SEC31B: variants seen among roughly 807,000 people sequenced by gnomAD.
SEC31B encodes SEC31 homolog B, COPII component, also known as protein transport protein Sec31B.
A neutral mutation model predicts 135.0 loss-of-function variants in SEC31B; 113 were observed. The ratio of observed to expected loss-of-function variants is 0.84; its 90% CI spans 0.72 to 0.98. The LOEUF (loss-of-function observed/expected upper bound fraction) is 0.98, where lower values mean the gene tolerates loss of function less well. Among genes scored for constraint, SEC31B ranks in the 50% least tolerant of loss-of-function variants. SEC31B has a pLI of 0.00. For synonymous variants in SEC31B, 508 were observed against 549.4 expected, an observed-to-expected ratio of 0.92 and a Z score of 1.05; for missense variants, 1,296 against 1,421.1, an observed-to-expected ratio of 0.91 and a Z score of 1.42.
chr10:100,499,453 G>A (rs1386774036), intron 12 of SEC31B, 71 bp downstream of exon 12: 1 of 1,292,688 alleles, frequency 7.7e-7, no homozygotes, highest in Non-Finnish European at 1.1e-6. Flanking sequence ...GTATTCTGAG[G>A]TGGTTTACTC....
intron 4 of SEC31B, 56 bp from the exon 5 acceptor site, chr10:100,509,158 A>G: frequency 6.3e-7 from 1 of 1,580,874 alleles, no homozygotes; most frequent in Non-Finnish European, 8.7e-7. Flanking sequence ...ACAGAGCAAG[A>G]AAGGAGGAAA....
At chr10:100,498,608 C>T (rs538511729) in intron 14 of SEC31B, 97 bp downstream of exon 14, 9 of 830,670 alleles carry the variant, frequency 1.1e-5, no homozygotes, top group African/African-American at 5.1e-5. Flanking sequence ...GAGGAAGGCA[C>T]GAGGCAGGGG....
chr10:100,508,546 C>T (rs929244559), intron 5 of SEC31B: 28 of 463,528 alleles, frequency 6.0e-5, no homozygotes, highest in Non-Finnish European at 1.3e-5. Context: ...ACAGCCTCTC[C>T]AAGACAGAAG....
chr10:100,507,355 C>T, intron 7 of SEC31B, 70 bp downstream of exon 7: 1 of 1,586,202 alleles, frequency 6.3e-7, no homozygotes, highest in South Asian at 1.1e-5. Flanking sequence ...GTGAGGGATA[C>T]ATTGCCTCCT....
intron 16 of SEC31B, 38 bp from the exon 17 acceptor site, chr10:100,497,318 C>T (rs1851430557): frequency 6.2e-7 from 1 of 1,604,112 alleles, no homozygotes; most frequent in Admixed American, 1.7e-5. Context: ...GGCACAGCTG[C>T]CCTGTGTGCC....
chr10:100,499,897 T>C (rs896671867), intron 11 of SEC31B, among the ~76,000 whole-genome samples: 1 of 152,222 alleles, frequency 6.6e-6, no homozygotes, highest in East Asian at 1.9e-4. Context: ...TCCTAGGCAA[T>C]ATGCTTGTGA....
Position 100,495,404 on chromosome 10 carries a change from C to G in SEC31B, c.2453G>C (p.Gly818Ala), listed in dbSNP as rs767589446. Residue 818 changes from glycine to alanine, a missense_variant, in exon 19 of 26, where the codon GGA (glycine) becomes GCA (alanine). By Grantham distance (60) the Gly-to-Ala change is moderately conservative (BLOSUM62 0). Transcript: ENST00000370345. Reference protein sequence around the residue: ...HSKETSSYRLGSQPSHQVPTP... With the variant: ...HSKETSSYRLASQPSHQVPTP... ...TCTTACCTGGTGAGAAGGCTGGGAT[C>G]CCAATCTGTAAGATGATGTCTCTTT... 1 of 1,613,754 alleles carries G rather than the reference C, an allele frequency of 6.2e-7. No homozygotes were observed. The highest frequency in any genetic ancestry group is 1.7e-5 in the Admixed American group (1 of 59,972).
intron 11 of SEC31B, among the ~76,000 whole-genome samples, 175 bp downstream of exon 11, chr10:100,502,079 A>C (rs929757723): frequency 9.8e-5 from 15 of 152,318 alleles, no homozygotes; most frequent in African/African-American, 3.6e-4. Context: ...GCCTCTGGTA[A>C]AGGGTGAACG....
At chr10:100,495,281 T>C (rs1037974125) in intron 19 of SEC31B, 104 bp downstream of exon 19, 18 of 993,260 alleles carry the variant, frequency 1.8e-5, no homozygotes, top group Non-Finnish European at 2.8e-5. Flanking sequence ...TCTATGGAAG[T>C]TGGGAATTTT....
chr10:100,492,328 G>A (rs890416809), intron 19 of SEC31B, among the ~76,000 whole-genome samples: 2 of 152,148 alleles, frequency 1.3e-5, no homozygotes, highest in Non-Finnish European at 2.9e-5. Context: ...GGGTTCAAGC[G>A]ACTCTCCAGC....
intron 19 of SEC31B, among the ~76,000 whole-genome samples, chr10:100,492,640 T>C (rs7901392): frequency 0.03 from 4,632 of 152,330 alleles, 247 homozygotes; most frequent in African/African-American, 0.1. Flanking sequence ...TGCAGATTTG[T>C]AGACAGCATG....
At position 100,486,665 on chromosome 10, in the gene SEC31B, A is replaced by G. The variant is rs1010742286; in HGVS notation, c.*951T>C. On this transcript the variant is annotated 3_prime_UTR_variant, in exon 26 of 26. Coordinates refer to ENST00000370345, the MANE Select transcript of SEC31B (RefSeq NM_015490.4). ...GAGGAAACCAAATCGAAGCAGCTTT[A>G]TTGCACCATTAAGTACATCACTGCA... The G allele has an allele frequency of 9.9e-5, 15 of 152,254 alleles. No individual in the cohort carries two copies. Among genetic ancestry groups the G allele is most frequent in the Admixed American group, 7.9e-4 (12 of 15,276 alleles). The allele number at this position is 152,254 out of a possible 1,614,324, so 9.4% of individuals were successfully genotyped here. A position where few individuals can be genotyped will look rare whatever the true frequency, so the allele number is the denominator to read the frequency against.
In SEC31B at chr10:100,509,077, C is replaced by T. The variant is rs150648483; in HGVS notation, c.425G>A (p.Ser142Asn). 6.2e-7 allele frequency: 1 copy of T among 1,614,162 alleles called. No individual in the cohort carries two copies. The highest frequency in any genetic ancestry group is 2.2e-5 in the East Asian group (1 of 44,874). ...ATCCCAAATGAAGATTTCAGAATCGCTGGCCCCTGAAGCCAGGAGGTTGCC... is the reference window on the plus strand; with the variant it reads ...ATCCCAAATGAAGATTTCAGAATCGTTGGCCCCTGAAGCCAGGAGGTTGCC... ...FQGNLLASGA[S>N]DSEIFIWDLN... Residue 142 changes from serine (S) to asparagine (N), a missense_variant, in exon 5 of 26, where the codon AGC becomes AAC. Coordinates refer to ENST00000370345, the MANE Select transcript of SEC31B (RefSeq NM_015490.4).
Position 100,507,557 on chromosome 10 carries a change from G to C in SEC31B, c.650C>G (p.Ser217Ter), listed in dbSNP as rs1851656440. Residue 217 changes from serine (S) to a stop codon, truncating the protein, a stop_gained, in exon 7 of 26, where the codon TCA (serine) becomes TGA (stop). Transcript: ENST00000370345. LOFTEE classifies it high-confidence loss of function. ...TATGTCAGGATGCCAGGCCAGGCCT[G>C]AGCAGTGCATCTGTGAACAAAGCAG... Reference protein sequence around the residue: ...VSDHSNRMHCSGLAWHPDIAT... With the variant: ...VSDHSNRMHC 6.2e-7 allele frequency: 1 copy of C among 1,614,204 alleles called. No individual in the cohort carries two copies.
intron 13 of SEC31B, 34 bp downstream of exon 13, chr10:100,499,126 A>G (rs1163286675): frequency 6.4e-7 from 1 of 1,570,506 alleles, no homozygotes; most frequent in Admixed American, 1.7e-5. Flanking sequence ...TTCCTGTGTT[A>G]CCATAGGTCA....
At chr10:100,514,412 A>G (rs1026339537) in intron 3 of SEC31B, among the ~76,000 whole-genome samples, 4 of 152,150 alleles carry the variant, frequency 2.6e-5, no homozygotes, top group African/African-American at 9.7e-5. Flanking sequence ...AAGCTCTAGC[A>G]TATAAACATC....
At chr10:100,509,658 G>C (rs955005792) in intron 3 of SEC31B, 147 bp from the exon 4 acceptor site, 1 of 622,060 alleles carries the variant, frequency 1.6e-6, no homozygotes, top group South Asian at 2.3e-5. Flanking sequence ...CAGACAGAAG[G>C]GATGTATCCT....
At position 100,516,989 on chromosome 10, in the gene SEC31B, C is replaced by T. The variant is rs1589742832; in HGVS notation, c.-37G>A. 2 of 1,503,188 alleles carry T rather than the reference C, an allele frequency of 1.3e-6. No homozygotes were observed. The allele number at this position is 1,503,188 out of a possible 1,614,324, so 93.1% of individuals were successfully genotyped here. On this transcript the variant is annotated 5_prime_UTR_variant, in exon 2 of 26. Transcript: ENST00000370345. ...TAGGTGGCAGAAAACTGACATGGCC[C>T]TCAGCCCACTGAAAATAGAAACCAG...
chr10:100,507,336 G>A (rs1851650611), intron 7 of SEC31B, 89 bp downstream of exon 7: 1 of 1,513,000 alleles, frequency 6.6e-7, no homozygotes, highest in East Asian at 2.3e-5. Context: ...AGGATGTTTA[G>A]TAGCTAAAGT....
Sources: allele counts gnomAD v4.1 joint callset (sites outside exome capture counted in the v4.1 genomes callset), GRCh38; gene constraint gnomAD v4.1.1; transcripts MANE v1.5; gene names NCBI Gene and HGNC (gene_info 2026-07-23, HGNC 2026-07-21).